TRIM16: variants seen among roughly 807,000 people sequenced by gnomAD.
TRIM16 encodes tripartite motif containing 16.
TRIM16 carries 33 observed loss-of-function variants against 50.4 expected under a neutral mutation model. The observed-to-expected ratio is 0.65, with a 90% CI of 0.50 to 0.88. TRIM16 has a LOEUF of 0.88. Ranked by LOEUF, TRIM16 falls within the 40% of genes least tolerant of loss-of-function variation. The probability of loss-of-function intolerance (pLI) is 0.00; values close to 1 mark genes in which losing one functional copy is unlikely to be tolerated. For synonymous variants in TRIM16, 229 were observed against 270.7 expected, an observed-to-expected ratio of 0.85 and a Z score of 1.51; for missense variants, 581 against 686.8, an observed-to-expected ratio of 0.85 and a Z score of 1.72.
At chr17:15,673,583 G>A (rs1466528657) in intron 6 of TRIM16, among the ~76,000 whole-genome samples, 6 of 151,678 alleles carry the variant, frequency 4.0e-5, no homozygotes, top group Admixed American at 2.0e-4. Context: ...ATTACTCTCA[G>A]GTAACTGAAA....
At chr17:15,652,318 CT>C (rs371423949) in intron 6 of TRIM16, among the ~76,000 whole-genome samples, 55,598 of 136,316 alleles carry the variant, frequency 0.41, 11,350 homozygotes, top group East Asian at 0.78. Context: ...CGGCTAATTT[CT>C]TTTTTTTTTT....
In TRIM16 at chr17:15,648,119, G is replaced by A. The variant is rs149589082; in HGVS notation, c.519+2972C>T. 2.1e-3 allele frequency among the ~76,000 whole-genome samples: 325 copies of A among 151,982 alleles called. 1 individual carries two copies. Among genetic ancestry groups the A allele is most frequent in the African/African-American group, 7.5e-3 (309 of 41,462 alleles). ...CGAGCACCTGTAGTCCCAGCTACTC[G>A]GGAGGCTGAGGCAGGAGAATGGCAT... On this transcript the variant is annotated intron_variant, in intron 7 of 11. Transcript: ENST00000649191.
chr17:15,679,629 G>A (rs1020441613), intron 4 of TRIM16, among the ~76,000 whole-genome samples: 1 of 152,200 alleles, frequency 6.6e-6, no homozygotes, highest in African/African-American at 2.4e-5. Flanking sequence ...CACATGGTAA[G>A]TAAGAAACTA....
rs1277033173 is a variant in TRIM16 at position 15,667,228 on chromosome 17, G to A, written c.-338+9948C>T. 1.4e-4 allele frequency among the ~76,000 whole-genome samples: 21 copies of A among 152,050 alleles called. No homozygotes were observed. In the South Asian group the frequency reaches 1.9e-3, roughly 14 times the overall value. ...CTATTTTCACCATATTGTCATTTGC[G>A]CAATGATGCAGGAGCAATAGTGAGT... On this transcript the variant is annotated intron_variant, in intron 6 of 11. Coordinates refer to ENST00000649191, the MANE Select transcript of TRIM16 (RefSeq NM_001348119.1).
intron 6 of TRIM16, among the ~76,000 whole-genome samples, chr17:15,664,269 G>A (rs1361514184): frequency 3.9e-5 from 6 of 152,226 alleles, no homozygotes; most frequent in African/African-American, 1.2e-4. Flanking sequence ...AGGACTGGAC[G>A]TAGCCTTAGG....
In TRIM16 at chr17:15,631,620, T is replaced by C. The variant is rs763324109; in HGVS notation, c.1110A>G (p.Gln370=). ...PEPSTREQFL[Q]YAYDITFDPD... ...AAGCGGGTGCCGTTCACAACTTACA[T>C]TGGAGGAACTGTTCCCTGGTGCTGG... Residue 370 remains glutamine, a splice_region_variant and synonymous_variant, in exon 11 of 12, where the codon CAA becomes CAG. Coordinates refer to ENST00000649191, the MANE Select transcript of TRIM16 (RefSeq NM_001348119.1). 6 of 1,613,834 alleles carry C rather than the reference T, an allele frequency of 3.7e-6. No homozygotes were observed. Among genetic ancestry groups the C allele is most frequent in the Non-Finnish European group, 4.2e-6 (5 of 1,179,828 alleles).
Position 15,651,247 on chromosome 17 carries a change from C to A in TRIM16, c.363G>T (p.Glu121Asp), listed in dbSNP as rs2074890. ...ATCGCCAGTTGTGGTCCTTCACTGG[C>A]TCGGTCAGCAGGTGGCTTTGCAGTT... ...NIKLQSHLLTEPVKDHNWRYC... is the reference protein window; with the variant it reads ...NIKLQSHLLTDPVKDHNWRYC... The change falls in exon 7 of 12, where the codon GAG becomes GAT. Residue 121 changes from glutamate (E) to aspartate (D), a missense_variant. Coordinates refer to ENST00000649191, the MANE Select transcript of TRIM16 (RefSeq NM_001348119.1). 101,845 of 1,614,170 alleles carry A rather than the reference C, an allele frequency of 0.063. 5,617 individuals are homozygous for A. Among genetic ancestry groups the A allele is most frequent in the African/African-American group, 0.27 (20,320 of 75,018 alleles).
rs1434796940 is a variant in TRIM16, at chr17:15,628,725, G to A, written c.1585C>T (p.Pro529Ser). The change falls in exon 12 of 12, where the codon CCA becomes TCA. Residue 529 changes from proline to serine, a missense_variant. Pro to Ser is a moderately conservative substitution (Grantham distance 74). Coordinates refer to ENST00000649191, the MANE Select transcript of TRIM16 (RefSeq NM_001348119.1). Reference protein sequence around the residue: ...VHKFACKFSEPVYAAFWLSKK... With the variant: ...VHKFACKFSESVYAAFWLSKK... The stretch of plus-strand genomic sequence containing the variant: ...GAAAGCCAGAAGGCAGCATAGACTG[G>A]TTCTGAAAATTTGCAGGCAAACTTG... 1.5e-5 allele frequency: 25 copies of A among 1,614,162 alleles called. 1 individual carries two copies. The Middle Eastern group carries it at 4.9e-4, about 32-fold the overall frequency.
In TRIM16 at chr17:15,635,816, T is replaced by C. The variant is rs1196912174; in HGVS notation, c.849+220A>G. 3.0e-5 allele frequency among the ~76,000 whole-genome samples: 4 copies of C among 134,128 alleles called. 1 individual carries two copies. Among genetic ancestry groups the C allele is most frequent in the Non-Finnish European group, 3.1e-5 (2 of 64,098 alleles). The allele number at this position is 134,128 out of a possible 152,430, so 88.0% of individuals were successfully genotyped here. A position where few individuals can be genotyped will look rare whatever the true frequency, so the allele number is the denominator to read the frequency against. On this transcript the variant is annotated intron_variant, in intron 9 of 11. Coordinates refer to ENST00000649191, the MANE Select transcript of TRIM16 (RefSeq NM_001348119.1). ...TACTGCACGTTGAACCTGACTCATC[T>C]TCCGGGACCTGCTTCAAGCTTCCCT...
intron 6 of TRIM16, among the ~76,000 whole-genome samples, chr17:15,670,898 C>T (rs943321756): frequency 6.6e-6 from 1 of 152,226 alleles, no homozygotes; most frequent in Non-Finnish European, 1.5e-5. Context: ...CAATAATATA[C>T]AAATGAATAT....
At chr17:15,660,583 C>G (rs1028941960) in intron 6 of TRIM16, among the ~76,000 whole-genome samples, 2 of 152,098 alleles carry the variant, frequency 1.3e-5, no homozygotes, top group African/African-American at 4.8e-5. Context: ...AGGAAGCAAA[C>G]AAAGCAACAA....
rs1986480936 is a variant in TRIM16, at chr17:15,632,497, A to G, written c.1015+12T>C. On this transcript the variant is annotated intron_variant, in intron 10 of 11. Transcript: ENST00000649191. ...ACACTCACTATAGTCCATGGCCCAGAATGCGTCTCACCTTCCTTGGAAAAC... is the reference window on the plus strand; with the variant it reads ...ACACTCACTATAGTCCATGGCCCAGGATGCGTCTCACCTTCCTTGGAAAAC... 6.2e-7 allele frequency: 1 copy of G among 1,609,044 alleles called. No homozygotes were observed. Among genetic ancestry groups the G allele is most frequent in the Non-Finnish European group, 8.5e-7 (1 of 1,177,140 alleles).
At chr17:15,639,826 G>C (rs1476114617) in intron 8 of TRIM16, among the ~76,000 whole-genome samples, 2 of 148,984 alleles carry the variant, frequency 1.3e-5, no homozygotes, top group African/African-American at 2.5e-5. Flanking sequence ...TGGCAAACCT[G>C]CTGCCTGGGG....
At chr17:15,648,241 CAAAA>C (rs1037963776) in intron 7 of TRIM16, among the ~76,000 whole-genome samples, 14 of 136,298 alleles carry the variant, frequency 1.0e-4, no homozygotes, top group African/African-American at 3.6e-4. Flanking sequence ...AAAAAAAAAA[CAAAA>C]AACAAACAAA....
At chr17:15,654,721 C>A (rs557703705) in intron 6 of TRIM16, among the ~76,000 whole-genome samples, 1 of 152,286 alleles carries the variant, frequency 6.6e-6, no homozygotes, top group East Asian at 1.9e-4. Flanking sequence ...AATTGAATAA[C>A]TGTCTTTGTT....
intron 9 of TRIM16, among the ~76,000 whole-genome samples, chr17:15,635,036 A>G (rs970292027): frequency 6.0e-5 from 9 of 148,884 alleles, no homozygotes; most frequent in African/African-American, 1.7e-4. Context: ...CTCATTCAAA[A>G]GTTAACTATG....
At chr17:15,653,237 G>A (rs769863973) in intron 6 of TRIM16, among the ~76,000 whole-genome samples, 22 of 152,270 alleles carry the variant, frequency 1.4e-4, no homozygotes, top group Non-Finnish European at 2.8e-4. Context: ...TTCCACTGTG[G>A]ATGGAAGCGG....
chr17:15,641,426 A>G (rs1462699537), intron 8 of TRIM16, among the ~76,000 whole-genome samples: 1 of 148,808 alleles, frequency 6.7e-6, no homozygotes, highest in Non-Finnish European at 1.5e-5. Flanking sequence ...TCATCTCTCC[A>G]TGTCTTCATG....
chr17:15,675,888 ATGTT>A (rs1445910985), intron 6 of TRIM16, among the ~76,000 whole-genome samples: 1 of 150,160 alleles, frequency 6.7e-6, no homozygotes, highest in African/African-American at 2.4e-5. Context: ...AGATACTTGA[ATGTT>A]TGTGTTCGTT....
Sources: allele counts gnomAD v4.1 joint callset (sites outside exome capture counted in the v4.1 genomes callset), GRCh38; gene constraint gnomAD v4.1.1; transcripts MANE v1.5; gene names NCBI Gene and HGNC (gene_info 2026-07-23, HGNC 2026-07-21).